Variants in DLGAP2 observed in about 807,000 individuals in gnomAD.
DLGAP2 encodes disks large-associated protein 2.
DLGAP2 carries 26 observed loss-of-function variants against 100.3 expected under a neutral mutation model. That is an observed-to-expected ratio of 0.26 (90% confidence interval 0.19 to 0.36). DLGAP2 has a LOEUF of 0.36. DLGAP2 is among the 10% of genes least tolerant of loss of function. The probability of loss-of-function intolerance (pLI) is 1.00; values close to 1 mark genes in which losing one functional copy is unlikely to be tolerated. For missense variants in DLGAP2, 1,858 were observed against 1,453.2 expected, an observed-to-expected ratio of 1.28 and a Z score of -4.53; for synonymous variants, 886 against 630.1, an observed-to-expected ratio of 1.41 and a Z score of -6.08.
chr8:1,364,503 G>T (rs933997854), intron 3 of DLGAP2, among the ~76,000 whole-genome samples: 4 of 51,532 alleles, frequency 7.8e-5, no homozygotes, highest in Admixed American at 5.7e-4. Context: ...TGGGAAGGGC[G>T]GGGGGGGTGC....
chr8:1,163,015 T>C (rs983617047), intron 2 of DLGAP2, among the ~76,000 whole-genome samples: 1 of 152,228 alleles, frequency 6.6e-6, no homozygotes, highest in South Asian at 2.1e-4. Context: ...CTGGGAGCTT[T>C]GGTGTTTGGT....
chr8:1,336,028 A>G (rs954891537), intron 3 of DLGAP2, among the ~76,000 whole-genome samples: 6 of 151,534 alleles, frequency 4.0e-5, no homozygotes, highest in African/African-American at 1.5e-4. Flanking sequence ...ATATAAAGAA[A>G]CTCTGAGCGG....
At chr8:917,773 G>A (rs1238053002) in intron 2 of DLGAP2, among the ~76,000 whole-genome samples, 1 of 151,976 alleles carries the variant, frequency 6.6e-6, no homozygotes, top group Non-Finnish European at 1.5e-5. Context: ...TAGAGATTGG[G>A]TTTCACCGTG....
intron 8 of DLGAP2, among the ~76,000 whole-genome samples, chr8:1,655,761 C>T (rs1798269716): frequency 6.6e-6 from 1 of 152,214 alleles, no homozygotes; most frequent in Non-Finnish European, 1.5e-5. Flanking sequence ...AACCCAACAC[C>T]TTGAAGACCT....
At chr8:1,458,664 G>T (rs2130142514) in intron 3 of DLGAP2, among the ~76,000 whole-genome samples, 1 of 152,338 alleles carries the variant, frequency 6.6e-6, no homozygotes, top group African/African-American at 2.4e-5. Flanking sequence ...CCTGCGTGTG[G>T]CTTCAGGTTG....
chr8:1,148,568 A>T (rs1585103008), intron 2 of DLGAP2, among the ~76,000 whole-genome samples: 4 of 152,012 alleles, frequency 2.6e-5, no homozygotes, highest in African/African-American at 9.6e-5. Context: ...TAATACTTCA[A>T]TTTTTTATGT....
chr8:1,354,143 G>C (rs1801795718), intron 3 of DLGAP2, among the ~76,000 whole-genome samples: 1 of 152,176 alleles, frequency 6.6e-6, no homozygotes, highest in African/African-American at 2.4e-5. Flanking sequence ...TTACCTTAAA[G>C]GATATTCTCT....
chr8:1,255,504 C>CTGTGTGTGTGTCGTCTCCTGCCCAGGT (rs1799179774), intron 2 of DLGAP2, among the ~76,000 whole-genome samples: 1 of 86,452 alleles, frequency 1.2e-5, no homozygotes, highest in Non-Finnish European at 2.2e-5. Flanking sequence ...CTTGCCCGGG[C>CTGTGTGTGTGTCGTCTCCTGCCCAGGT]GCTGTGTGTG....
intron 3 of DLGAP2, among the ~76,000 whole-genome samples, chr8:1,284,949 C>G (rs1356568229): frequency 6.6e-6 from 1 of 152,226 alleles, no homozygotes; most frequent in Non-Finnish European, 1.5e-5. Context: ...CATCTTTGCA[C>G]CAGATTCTTA....
intron 2 of DLGAP2, among the ~76,000 whole-genome samples, chr8:1,124,358 C>T (rs985381406): frequency 6.6e-6 from 1 of 152,270 alleles, no homozygotes; most frequent in East Asian, 1.9e-4. Context: ...AGACTCCTCT[C>T]TCAGGGACCT....
rs148667913 is a variant in DLGAP2 at position 1,423,906 on chromosome 8, C to T, written c.107-77460C>T. 6.6e-5 allele frequency among the ~76,000 whole-genome samples: 10 copies of T among 152,338 alleles called. No homozygotes were observed. The East Asian group carries it at 1.3e-3, about 21-fold the overall frequency. On this transcript the variant is annotated intron_variant, in intron 3 of 14. Coordinates refer to ENST00000637795, the MANE Select transcript of DLGAP2 (RefSeq NM_001346810.2). ...AAACATCAAGAAAGCAAAAATATCC[C>T]ACGTTCAGAAGAACCCAAATGAGGA... is the stretch of plus-strand genomic sequence containing the variant.
intron 3 of DLGAP2, among the ~76,000 whole-genome samples, chr8:1,482,591 C>G (rs1034892089): frequency 1.3e-5 from 2 of 152,266 alleles, no homozygotes; most frequent in African/African-American, 4.8e-5. Context: ...ATGGCTCGCT[C>G]TCGTGGGCCA....
rs193009264 is a variant in DLGAP2 at position 1,203,314 on chromosome 8, C to T, written c.74-55537C>T. 3.2e-3 allele frequency among the ~76,000 whole-genome samples: 470 copies of T among 145,594 alleles called. 10 individuals carry two copies. Among genetic ancestry groups the T allele is most frequent in the African/African-American group, 0.011 (450 of 39,238 alleles). On this transcript the variant is annotated intron_variant, in intron 2 of 14. Transcript: ENST00000637795. ...TCGGTGTTAGAATCCATGAGACTGG[C>T]GTGTCCTTCGGTGACGAGGCCACCC...
intron 5 of DLGAP2, among the ~76,000 whole-genome samples, chr8:1,560,365 G>C (rs918768567): frequency 1.3e-5 from 2 of 151,944 alleles, no homozygotes; most frequent in African/African-American, 4.8e-5. Flanking sequence ...TTTCGCCCTC[G>C]TGAGCATCTT....
chr8:1,435,121 T>C (rs1797578732), intron 3 of DLGAP2, among the ~76,000 whole-genome samples: 1 of 152,270 alleles, frequency 6.6e-6, no homozygotes, highest in African/African-American at 2.4e-5. Context: ...TCGGGCCTAC[T>C]GTGTCCTCTT....
At chr8:1,550,999 G>A (rs1285713913) in intron 5 of DLGAP2, among the ~76,000 whole-genome samples, 2 of 152,226 alleles carry the variant, frequency 1.3e-5, no homozygotes, top group African/African-American at 2.4e-5. Flanking sequence ...GGGACAGGGG[G>A]ACTAGCAGCC....
chr8:1,538,054 A>G (rs1285395986), intron 4 of DLGAP2, among the ~76,000 whole-genome samples: 1 of 152,156 alleles, frequency 6.6e-6, no homozygotes, highest in African/African-American at 2.4e-5. Flanking sequence ...GCATTTGAGG[A>G]TGAGAAGCTG....
At chr8:841,537 T>C (rs1796983847) in intron 1 of DLGAP2, among the ~76,000 whole-genome samples, 1 of 152,212 alleles carries the variant, frequency 6.6e-6, no homozygotes, top group South Asian at 2.1e-4. Flanking sequence ...TGAAGGTCAT[T>C]GTTTCTAGAC....
At chr8:738,025 T>A (rs1820364727) in intron 1 of DLGAP2, 200 bp downstream of exon 1, 1 of 305,520 alleles carries the variant, frequency 3.3e-6, no homozygotes, top group African/African-American at 2.2e-5. Flanking sequence ...GGTCGCGCGT[T>A]GCGCTCCTCG....
Sources: allele counts gnomAD v4.1 joint callset (sites outside exome capture counted in the v4.1 genomes callset), GRCh38; gene constraint gnomAD v4.1.1; transcripts MANE v1.5; gene names NCBI Gene and HGNC (gene_info 2026-07-23, HGNC 2026-07-21).